The following COG3 variants were observed in gnomAD, a reference collection of about 807,000 sequenced individuals.
COG3 encodes the protein component of oligomeric golgi complex 3, also known as conserved oligomeric Golgi complex subunit 3.
Under a neutral mutation model 114.1 loss-of-function variants are expected in COG3, and 32 were observed. The ratio of observed to expected loss-of-function variants is 0.28; its 90% CI spans 0.21 to 0.38. The LOEUF (loss-of-function observed/expected upper bound fraction) is 0.38. COG3 is among the 10% of genes least tolerant of loss of function. COG3 has a pLI of 1.00. For missense variants in COG3, 813 were observed against 973.2 expected (o/e 0.84, Z 2.19); for synonymous variants, 352 against 365.7 (o/e 0.96, Z 0.43).
In COG3 at chr13:45,522,312, G is replaced by T. The variant is rs138863041; in HGVS notation, c.2155-2664G>T. Among the ~76,000 whole-genome samples the T allele has an allele frequency of 9.9e-5, 15 of 152,238 alleles. No homozygotes were observed. In the East Asian group the frequency reaches 2.7e-3, roughly 27 times the overall value. On this transcript the variant is annotated intron_variant, in intron 19 of 22. Coordinates refer to ENST00000349995, the MANE Select transcript of COG3 (RefSeq NM_031431.4). ...TTTTTAACAATATAGATGTATTACC[G>T]TGTAGAGAATATTTTTAGATTGTCA... is the stretch of plus-strand genomic sequence containing the variant.
At position 45,491,449 on chromosome 13, in the gene COG3, C is replaced by G. The variant is rs1566251727; in HGVS notation, c.1006C>G (p.Leu336Val). The change falls in exon 10 of 23, where the codon CTT (leucine) becomes GTT (valine). Residue 336 changes from leucine to valine, a missense_variant. Physicochemically the swap from Leu to Val is conservative, Grantham distance 32 (BLOSUM62 1). Transcript: ENST00000349995. ...QLLNDIHQCYLDQRELLLGPS... is the reference protein window; with the variant it reads ...QLLNDIHQCYVDQRELLLGPS... ...GCTAAATGATATCCACCAGTGTTAC[C>G]TTGATCAGCGGGAGCTCCTTTTGGG... 2 of 1,613,490 alleles carry G rather than the reference C, an allele frequency of 1.2e-6. No individual in the cohort carries two copies. Among genetic ancestry groups the G allele is most frequent in the African/African-American group, 1.3e-5 (1 of 75,004 alleles).
intron 13 of COG3, among the ~76,000 whole-genome samples, chr13:45,496,925 G>A (rs759515905): frequency 9.2e-5 from 14 of 152,030 alleles, no homozygotes; most frequent in African/African-American, 1.4e-4. Flanking sequence ...CGCCCGCCTC[G>A]GCCTCCCAAG....
intron 16 of COG3, among the ~76,000 whole-genome samples, chr13:45,513,702 G>T (rs551436367): frequency 4.0e-5 from 6 of 151,224 alleles, no homozygotes; most frequent in Non-Finnish European, 8.8e-5. Flanking sequence ...TTCACATGGG[G>T]ACTAGAAATA....
intron 7 of COG3, 56 bp downstream of exon 7, chr13:45,483,411 T>G (rs1886375829): frequency 7.1e-7 from 1 of 1,404,930 alleles, no homozygotes; most frequent in Admixed American, 2.5e-5. Flanking sequence ...TTTGATTCAT[T>G]CATCTTCCAT....
At chr13:45,472,576 T>C (rs1885591604) in intron 1 of COG3, among the ~76,000 whole-genome samples, 1 of 152,226 alleles carries the variant, frequency 6.6e-6, no homozygotes, top group Admixed American at 6.5e-5. Context: ...TGATTTTTAT[T>C]GACCTAACTT....
intron 7 of COG3, among the ~76,000 whole-genome samples, chr13:45,484,155 T>G (rs773399276): frequency 2.0e-5 from 3 of 152,248 alleles, no homozygotes; most frequent in Admixed American, 6.5e-5. Context: ...TCTTGAACTT[T>G]CCATGCAAAG....
chr13:45,501,112 G>A (rs1869476245), intron 13 of COG3, among the ~76,000 whole-genome samples: 1 of 152,166 alleles, frequency 6.6e-6, no homozygotes, highest in African/African-American at 2.4e-5. Context: ...AAGTAGTGTT[G>A]TCAGGTTTCA....
In COG3 at chr13:45,465,077, C is replaced by T. The variant is rs759235670; in HGVS notation, c.41C>T (p.Ala14Val). Reference protein sequence around the residue: ...AALLLLPEAAAERDAREKLAL... With the variant: ...AALLLLPEAAVERDAREKLAL... The stretch of plus-strand genomic sequence containing the variant: ...CTGTTGCTGCTGCCTGAGGCGGCGG[C>T]GGAGCGGGACGCTAGGGAAAAGCTG... Residue 14 changes from alanine (A) to valine (V), a missense_variant, in exon 1 of 23, where the codon GCG (alanine) becomes GTG (valine). This residue lies in a region of COG3 where 424 missense variants were observed against 430.6 expected (regional missense o/e 0.98). Transcript: ENST00000349995. 2 of 1,602,704 alleles carry T rather than the reference C, an allele frequency of 1.2e-6. No individual in the cohort carries two copies. Among genetic ancestry groups the T allele is most frequent in the Admixed American group, 3.4e-5 (2 of 58,310 alleles).
chr13:45,530,937 T>A, intron 22 of COG3, 157 bp downstream of exon 22: 2 of 982,974 alleles, frequency 2.0e-6, no homozygotes, highest in Non-Finnish European at 2.4e-6. Flanking sequence ...TGAATTGTTC[T>A]CTCAAACTTT....
At chr13:45,530,892 C>T in intron 22 of COG3, 112 bp downstream of exon 22, 1 of 1,354,434 alleles carries the variant, frequency 7.4e-7, no homozygotes, top group Non-Finnish European at 9.6e-7. Flanking sequence ...AAAAATATTA[C>T]CTTCTTTTAT....
At chr13:45,509,220 A>G (rs901410024) in intron 14 of COG3, among the ~76,000 whole-genome samples, 6 of 152,064 alleles carry the variant, frequency 3.9e-5, no homozygotes, top group African/African-American at 9.7e-5. Context: ...TTGTATTTTT[A>G]GTAGAGACGA....
chr13:45,512,151 G>A (rs1262421472), intron 16 of COG3, among the ~76,000 whole-genome samples: 1 of 152,104 alleles, frequency 6.6e-6, no homozygotes, highest in Non-Finnish European at 1.5e-5. Flanking sequence ...CTATTTCCCT[G>A]GAATACCAAG....
chr13:45,517,944 T>C (rs1451128059), intron 17 of COG3, among the ~76,000 whole-genome samples: 1 of 152,150 alleles, frequency 6.6e-6, no homozygotes, highest in Non-Finnish European at 1.5e-5. Context: ...CTCTACCATA[T>C]GATGATTTGA....
chr13:45,501,388 C>T lies in COG3; in HGVS notation c.1489-1856C>T, dbSNP rs572756582. On this transcript the variant is annotated intron_variant, in intron 13 of 22. Transcript: ENST00000349995. ...CTTACTGATGTCAGTGTGGACTTAA[C>T]GGATATTTATTCATACTTTGGGTTA... Among the ~76,000 whole-genome samples, 15 of 152,204 alleles carry T rather than the reference C, an allele frequency of 9.9e-5. No homozygotes were observed. The South Asian group carries it at 2.9e-3, about 29-fold the overall frequency.
rs1886160703 is a variant in COG3 at position 45,480,149 on chromosome 13, G to C, written c.408G>C (p.Gly136=). ...GACAGATGAGGGATTACTTGTCTGG[G>C]TTTCAGGAGCAGTGTGATGCTATAT... The part of the protein sequence containing the change: ...KYRQMRDYLS[G]FQEQCDAILN... The change falls in exon 4 of 23, where the codon GGG becomes GGC. Residue 136 remains glycine (G), a synonymous_variant. Coordinates refer to ENST00000349995, the MANE Select transcript of COG3 (RefSeq NM_031431.4). The C allele has an allele frequency of 4.3e-6, 7 of 1,611,706 alleles. No homozygotes were observed. In the South Asian group the frequency reaches 7.7e-5, roughly 18 times the overall value.
chr13:45,519,124 T>G (rs777551604), intron 19 of COG3, 30 bp downstream of exon 19: 1 of 1,607,900 alleles, frequency 6.2e-7, no homozygotes, highest in Non-Finnish European at 8.5e-7. Context: ...TGTGGTAAAG[T>G]CATTTTGCAT....
At chr13:45,529,753 TTTTC>T (rs765937581) in intron 20 of COG3, 34 bp from the exon 21 acceptor site, 1 of 1,521,212 alleles carries the variant, frequency 6.6e-7, no homozygotes, top group South Asian at 1.2e-5. Context: ...TTTCTTTTCT[TTTTC>T]TTTATGACAC....
intron 2 of COG3, 59 bp downstream of exon 2, chr13:45,476,406 C>A: frequency 2.0e-6 from 3 of 1,491,404 alleles, no homozygotes; most frequent in Non-Finnish European, 2.8e-6. Context: ...GAAGACAAGG[C>A]TAATAAAGTC....
At chr13:45,522,174 A>G (rs1536213) in intron 19 of COG3, among the ~76,000 whole-genome samples, 109,924 of 151,948 alleles carry the variant, frequency 0.72, 41,275 homozygotes, top group Middle Eastern at 0.82. Flanking sequence ...ATAGGTACAG[A>G]TGGGAAAGTC....
Sources: allele counts gnomAD v4.1 joint callset (sites outside exome capture counted in the v4.1 genomes callset), GRCh38; gene constraint gnomAD v4.1.1; regional missense constraint gnomAD v4.1.1; transcripts MANE v1.5; gene names NCBI Gene and HGNC (gene_info 2026-07-23, HGNC 2026-07-21).